Variants in BABAM2 observed in about 807,000 individuals in gnomAD.
BABAM2 encodes the protein BRISC and BRCA1 A complex member 2.
A neutral mutation model predicts 54.7 loss-of-function variants in BABAM2; 31 were observed. The observed-to-expected ratio is 0.57, with a 90% confidence interval of 0.43 to 0.77. BABAM2 has a LOEUF of 0.77. Among genes scored for constraint, BABAM2 ranks in the 30% least tolerant of loss-of-function variants. The pLI is 0.00. For missense variants in BABAM2, 364 were observed against 455.8 expected (o/e 0.80, Z 1.83); for synonymous variants, 167 against 162.9 (o/e 1.03, Z -0.19).
At chr2:28,204,482 G>A (rs889903848) in intron 7 of BABAM2, among the ~76,000 whole-genome samples, 3 of 151,976 alleles carry the variant, frequency 2.0e-5, no homozygotes, top group African/African-American at 4.8e-5. Flanking sequence ...GTATGTGCCA[G>A]GGCTAGAGTC....
At chr2:27,907,263 T>G (rs760277561) in intron 2 of BABAM2, among the ~76,000 whole-genome samples, 1 of 152,074 alleles carries the variant, frequency 6.6e-6, no homozygotes, top group Non-Finnish European at 1.5e-5. Context: ...ATCTTTTTTT[T>G]TTTTGTTTTC....
rs139199090 is a variant in BABAM2, at chr2:28,195,571, G to A, written c.681-41631G>A. ...AATGGTTTCCATCCTTTTGGGTGGAGAAGTCTATCAAGAGGGCCAGGGTCT... is the reference window on the plus strand; with the variant it reads ...AATGGTTTCCATCCTTTTGGGTGGAAAAGTCTATCAAGAGGGCCAGGGTCT... On this transcript the variant is annotated intron_variant, in intron 7 of 11. Coordinates refer to ENST00000379624, the MANE Select transcript of BABAM2 (RefSeq NM_199191.3). Among the ~76,000 whole-genome samples the A allele has an allele frequency of 6.9e-3, 1,058 of 152,312 alleles. 5 individuals carry two copies. The highest frequency in any genetic ancestry group is 0.012 in the South Asian group (59 of 4,830).
intron 7 of BABAM2, among the ~76,000 whole-genome samples, chr2:28,136,477 TG>T (rs1219216620): frequency 4.6e-5 from 7 of 152,250 alleles, no homozygotes; most frequent in Admixed American, 3.9e-4. Context: ...TTGACAGGTC[TG>T]GCTGGAGAGG....
chr2:28,331,120 C>T (rs931110696), intron 11 of BABAM2, among the ~76,000 whole-genome samples: 11 of 152,186 alleles, frequency 7.2e-5, no homozygotes, highest in Admixed American at 5.9e-4. Context: ...GCTAGCCATA[C>T]GCAGAAATTT....
chr2:27,943,401 A>G (rs1262692076), intron 3 of BABAM2, among the ~76,000 whole-genome samples: 4 of 152,142 alleles, frequency 2.6e-5, no homozygotes, highest in Non-Finnish European at 5.9e-5. Flanking sequence ...TTTGCCCATT[A>G]TACTTCCCAA....
intron 11 of BABAM2, among the ~76,000 whole-genome samples, chr2:28,301,193 C>G (rs1688078251): frequency 6.6e-6 from 1 of 152,202 alleles, no homozygotes; most frequent in African/African-American, 2.4e-5. Context: ...CATAAACACT[C>G]TCATGGTTTA....
chr2:28,216,623 T>C (rs1406407812), intron 7 of BABAM2, among the ~76,000 whole-genome samples: 1 of 152,170 alleles, frequency 6.6e-6, no homozygotes, highest in Non-Finnish European at 1.5e-5. Context: ...TCGTACAGAG[T>C]GTTGGCTCCA....
At chr2:28,324,993 A>G (rs770498015) in intron 11 of BABAM2, among the ~76,000 whole-genome samples, 104 of 152,270 alleles carry the variant, frequency 6.8e-4, no homozygotes, top group Non-Finnish European at 1.1e-3. Flanking sequence ...CATGGCTTCC[A>G]GACTTTTTTT....
intron 3 of BABAM2, among the ~76,000 whole-genome samples, chr2:27,953,060 C>T (rs1220859376): frequency 1.3e-5 from 2 of 152,166 alleles, no homozygotes; most frequent in Non-Finnish European, 2.9e-5. Flanking sequence ...CCTGCTGTGT[C>T]GCTCAGGCTG....
At chr2:28,089,184 TA>T (rs757811739) in intron 6 of BABAM2, among the ~76,000 whole-genome samples, 14 of 152,158 alleles carry the variant, frequency 9.2e-5, no homozygotes, top group Non-Finnish European at 1.6e-4. Flanking sequence ...TTGACATGAA[TA>T]TATTGACTAC....
intron 2 of BABAM2, 198 bp downstream of exon 2, chr2:27,894,882 C>T (rs1321099287): frequency 1.6e-5 from 9 of 561,952 alleles, no homozygotes; most frequent in Non-Finnish European, 2.7e-5. Flanking sequence ...GTGTTGTGGA[C>T]CATTGTTTTA....
intron 6 of BABAM2, among the ~76,000 whole-genome samples, chr2:28,108,433 C>T (rs753998806): frequency 5.9e-5 from 9 of 152,096 alleles, no homozygotes; most frequent in African/African-American, 1.7e-4. Flanking sequence ...TTCATAAGCA[C>T]GAAACTATAA....
chr2:28,125,452 C>T (rs1669439055), intron 6 of BABAM2, among the ~76,000 whole-genome samples: 2 of 151,972 alleles, frequency 1.3e-5, no homozygotes, highest in Non-Finnish European at 2.9e-5. Flanking sequence ...TGCCACCACG[C>T]CTGGCTAATT....
In BABAM2 at chr2:28,124,499, G is replaced by A. The variant is rs187100230; in HGVS notation, c.571-4772G>A. On this transcript the variant is annotated intron_variant, in intron 6 of 11. Transcript: ENST00000379624. ...AGTCACTAGTTCTGGAGGACTTGGT[G>A]TATTAACAAGGCCAGGAGCAGGGAG... Among the ~76,000 whole-genome samples, 234 of 152,302 alleles carry A rather than the reference G, an allele frequency of 1.5e-3. 1 individual carries two copies. The highest frequency in any genetic ancestry group is 5.4e-3 in the African/African-American group (223 of 41,564).
At chr2:28,310,416 T>C in intron 11 of BABAM2, 1 of 386,998 alleles carries the variant, frequency 2.6e-6, no homozygotes, top group Non-Finnish European at 4.7e-6. Context: ...CCCCAGGCCC[T>C]CCATCTGTAT....
chr2:28,004,545 A>C (rs1673814746), intron 4 of BABAM2, among the ~76,000 whole-genome samples: 1 of 152,208 alleles, frequency 6.6e-6, no homozygotes. Flanking sequence ...ACAGCTAATT[A>C]CTTATAGTAT....
rs1180020333 is a variant in BABAM2 at position 28,154,071 on chromosome 2, T to C, written c.680+24691T>C. ...GCTCTTTGGAGTTACACAAGGACAA[T>C]AGACTGACATGTGATGCTTGGAAAT... On this transcript the variant is annotated intron_variant, in intron 7 of 11. Coordinates refer to ENST00000379624, the MANE Select transcript of BABAM2 (RefSeq NM_199191.3). 2.6e-5 allele frequency among the ~76,000 whole-genome samples: 4 copies of C among 152,292 alleles called. No individual in the cohort carries two copies. In the East Asian group the frequency reaches 5.8e-4, roughly 22 times the overall value.
chr2:28,105,032 C>A, intron 6 of BABAM2, among the ~76,000 whole-genome samples: 1 of 148,474 alleles, frequency 6.7e-6, no homozygotes, highest in African/African-American at 2.5e-5. Context: ...CACATCGGGG[C>A]CTGTTGTGGG....
rs538610209 is a variant in BABAM2 at position 28,031,922 on chromosome 2, T to C, written c.495+6502T>C. ...CTGGCTTACTGATCAGTAAAACACA[T>C]CTATTATGTCTTAGTGGCATTTTGC... is the stretch of plus-strand genomic sequence containing the variant. On this transcript the variant is annotated intron_variant, in intron 5 of 11. Coordinates refer to ENST00000379624, the MANE Select transcript of BABAM2 (RefSeq NM_199191.3). Among the ~76,000 whole-genome samples the C allele has an allele frequency of 1.6e-4, 24 of 152,306 alleles. No homozygotes were observed. In the South Asian group the frequency reaches 4.8e-3, roughly 30 times the overall value.
Sources: allele counts gnomAD v4.1 joint callset (sites outside exome capture counted in the v4.1 genomes callset), GRCh38; gene constraint gnomAD v4.1.1; transcripts MANE v1.5; gene names NCBI Gene and HGNC (gene_info 2026-07-23, HGNC 2026-07-21).